The following PCDHGC3 variants were observed in gnomAD, a reference collection of about 807,000 sequenced individuals.
PCDHGC3 encodes the protein protocadherin gamma subfamily C, 3.
A neutral mutation model predicts 59.2 loss-of-function variants in PCDHGC3; 26 were observed. The ratio of observed to expected loss-of-function variants is 0.44; its 90% CI spans 0.32 to 0.61. The LOEUF is 0.61. PCDHGC3 is among the 20% of genes least tolerant of loss of function. The pLI is 0.05. For missense variants in PCDHGC3, 1,080 were observed against 1,221.8 expected, an observed-to-expected ratio of 0.88 and a Z score of 1.73; for synonymous variants, 487 against 519.7, an observed-to-expected ratio of 0.94 and a Z score of 0.86.
intron 2 of PCDHGC3, 70 bp downstream of exon 2, chr5:141,494,935 G>T (rs1456805368): frequency 2.5e-6 from 4 of 1,612,364 alleles, no homozygotes; most frequent in African/African-American, 1.3e-5. Context: ...GGGAGGAGAT[G>T]GGGGAGGGCC....
intron 1 of PCDHGC3, among the ~76,000 whole-genome samples, chr5:141,492,336 A>G (rs1353947767): frequency 1.3e-5 from 2 of 152,072 alleles, no homozygotes; most frequent in East Asian, 3.9e-4. Context: ...TTACGCGAAT[A>G]CCAGCTTTCA....
In PCDHGC3 at chr5:141,511,269, C is replaced by A; in HGVS notation, c.*96C>A. The A allele has an allele frequency of 1.3e-6, 2 of 1,546,672 alleles. No homozygotes were observed. Among genetic ancestry groups the A allele is most frequent in the Non-Finnish European group, 1.7e-6 (2 of 1,145,264 alleles). The stretch of plus-strand genomic sequence containing the variant: ...AGGCCTCAGAGTTTCAGGGCTAACC[C>A]CCAGAATACTGGTAGGGGCCAAGGC... On this transcript the variant is annotated 3_prime_UTR_variant, in exon 4 of 4. Transcript: ENST00000308177.
intron 3 of PCDHGC3, among the ~76,000 whole-genome samples, chr5:141,505,861 C>A (rs115699706): frequency 0.034 from 5,102 of 152,242 alleles, 131 homozygotes; most frequent in Admixed American, 0.057. Flanking sequence ...GGGACAGGGA[C>A]CCCAAAGGGT....
rs1330257915 is a variant in PCDHGC3 at position 141,486,153 on chromosome 5, C to T, written c.2430+7607C>T. Reference sequence around the variant, plus strand: ...GATGTGCGGGCTCGCGATGGGGGTTCTCCAGCCATGGAGCAACATTGCAGC... The same window carrying T: ...GATGTGCGGGCTCGCGATGGGGGTTTTCCAGCCATGGAGCAACATTGCAGC... On this transcript the variant is annotated intron_variant, in intron 1 of 3. Transcript: ENST00000308177. This position sits in a 1 kb window ranked among gnomAD's most constrained non-coding sequence, Gnocchi z 5.0. 1 of 1,614,084 alleles carries T rather than the reference C, an allele frequency of 6.2e-7. No homozygotes were observed. Among genetic ancestry groups the T allele is most frequent in the Non-Finnish European group, 8.5e-7 (1 of 1,180,036 alleles).
In PCDHGC3 at chr5:141,511,307, G is replaced by A. The variant is rs919320754; in HGVS notation, c.*134G>A. On this transcript the variant is annotated 3_prime_UTR_variant, in exon 4 of 4. Coordinates refer to ENST00000308177, the MANE Select transcript of PCDHGC3 (RefSeq NM_002588.4). ...TAGGGGCCAAGGCCATGCTCCCCTT[G>A]GGAAACAGAAACAAGTGCCCAGTCA... 8 of 1,488,416 alleles carry A rather than the reference G, an allele frequency of 5.4e-6. No individual in the cohort carries two copies. Among genetic ancestry groups the A allele is most frequent in the Non-Finnish European group, 5.4e-6 (6 of 1,115,202 alleles). The allele number at this position is 1,488,416 out of a possible 1,614,324, so 92.2% of individuals were successfully genotyped here. A position where few individuals can be genotyped will look rare whatever the true frequency, so the allele number is the denominator to read the frequency against.
At position 141,477,530 on chromosome 5, in the gene PCDHGC3, C is replaced by A; in HGVS notation, c.1414C>A (p.Pro472Thr). The A allele has an allele frequency of 6.2e-7, 1 of 1,614,186 alleles. No homozygotes were observed. The highest frequency in any genetic ancestry group is 1.1e-5 in the South Asian group (1 of 91,082). ...YDVYIEENNL[P>T]GAPILNLSVW... is the part of the protein sequence containing the mutation. ...CGTTTACATTGAAGAAAACAACCTCCCCGGGGCTCCAATACTAAACCTAAG... is the reference window on the plus strand; with the variant it reads ...CGTTTACATTGAAGAAAACAACCTCACCGGGGCTCCAATACTAAACCTAAG... Residue 472 changes from proline (P) to threonine (T), a missense_variant, in exon 1 of 4, where the codon CCC becomes ACC. By Grantham distance (38) the Pro-to-Thr change is conservative (BLOSUM62 -1). Coordinates refer to ENST00000308177, the MANE Select transcript of PCDHGC3 (RefSeq NM_002588.4). The surrounding 1 kb of genome is among the most constrained non-coding windows in gnomAD (Gnocchi z 4.9).
rs190955361 is a variant in PCDHGC3, at chr5:141,486,090, G to A, written c.2430+7544G>A. On this transcript the variant is annotated intron_variant, in intron 1 of 3. Transcript: ENST00000308177. The surrounding 1 kb of genome is among the most constrained non-coding windows in gnomAD (Gnocchi z 5.0). ...ACTACTGGAAAGCTTACTCTTTTGG[G>A]GCCCCTAGACTTTGAGAGTGAGAAT... 3 of 1,614,086 alleles carry A rather than the reference G, an allele frequency of 1.9e-6. No homozygotes were observed. The highest frequency in any genetic ancestry group is 1.6e-4 in the Middle Eastern group (1 of 6,062).
chr5:141,499,921 C>A, intron 2 of PCDHGC3, among the ~76,000 whole-genome samples: 1 of 152,128 alleles, frequency 6.6e-6, no homozygotes, highest in Middle Eastern at 3.2e-3. Context: ...CTCCTGGCCT[C>A]AAGTGATCCA....
At chr5:141,494,654 G>A in intron 1 of PCDHGC3, 153 bp from the exon 2 acceptor site, 1 of 966,640 alleles carries the variant, frequency 1.0e-6, no homozygotes, top group South Asian at 4.8e-5. Context: ...GGTGTATTTT[G>A]TCTTTGGAGA....
rs1389786201 is a variant in PCDHGC3, at chr5:141,486,949, G to A, written c.2431-7858G>A. 4 of 1,614,224 alleles carry A rather than the reference G, an allele frequency of 2.5e-6. No individual in the cohort carries two copies. Among genetic ancestry groups the A allele is most frequent in the African/African-American group, 2.7e-5 (2 of 75,064 alleles). ...TTGGTGCTGGCCACCTAATCACAAA[G>A]GTGACTGCTGTGGACTTGGATTCAG... On this transcript the variant is annotated intron_variant, in intron 1 of 3. Coordinates refer to ENST00000308177, the MANE Select transcript of PCDHGC3 (RefSeq NM_002588.4). The surrounding 1 kb of genome is among the most constrained non-coding windows in gnomAD (Gnocchi z 5.0).
chr5:141,485,586 TG>T lies in PCDHGC3; in HGVS notation c.2430+7042del. The T allele has an allele frequency of 6.2e-7, 1 of 1,612,402 alleles. No homozygotes were observed. Among genetic ancestry groups the T allele is most frequent in the Non-Finnish European group, 8.5e-7 (1 of 1,178,600 alleles). Reference sequence around the variant, plus strand: ...GCCCCCCGTTTTCCGCGGCAGCAGCTGGACTTGGAAATTGGGGAGGCAGCTC... The same window carrying T: ...GCCCCCCGTTTTCCGCGGCAGCAGCTGACTTGGAAATTGGGGAGGCAGCTC... On this transcript the variant is annotated intron_variant, in intron 1 of 3. Coordinates refer to ENST00000308177, the MANE Select transcript of PCDHGC3 (RefSeq NM_002588.4). The surrounding 1 kb of genome is among the most constrained non-coding windows in gnomAD (Gnocchi z 5.7).
chr5:141,489,776 C>T lies in PCDHGC3; in HGVS notation c.2431-5031C>T. The T allele has an allele frequency of 6.2e-7, 1 of 1,614,202 alleles. No homozygotes were observed. Among genetic ancestry groups the T allele is most frequent in the Non-Finnish European group, 8.5e-7 (1 of 1,180,020 alleles). On this transcript the variant is annotated intron_variant, in intron 1 of 3. Transcript: ENST00000308177. This position sits in a 1 kb window ranked among gnomAD's most constrained non-coding sequence, Gnocchi z 4.5. ...ACTCTAAGCCCCAACAGCCACTTCT[C>T]TCTGAATGTGAAGACCCTAAAAGAT...
chr5:141,484,532 G>A (rs1421387882), intron 1 of PCDHGC3, among the ~76,000 whole-genome samples: 1 of 152,182 alleles, frequency 6.6e-6, no homozygotes, highest in Non-Finnish European at 1.5e-5. Context: ...TTGAGTATAT[G>A]GCAGTGGTTC....
chr5:141,476,236 AAG>A lies in PCDHGC3; in HGVS notation c.126_127del (p.Lys43GlyfsTer17). ...TCATTCACTATGAGATCCCGGAGGA[AAG>A]AGAGAAGGGTTTCGCTGTGGGCAAC... is the stretch of plus-strand genomic sequence containing the variant. The part of the protein sequence containing the change: ...TVIHYEIPEE[R>X]EKGFAVGNVV... On this transcript the variant is annotated frameshift_variant, in exon 1 of 4. Transcript: ENST00000308177. LOFTEE classifies it high-confidence loss of function. The surrounding 1 kb of genome is among the most constrained non-coding windows in gnomAD (Gnocchi z 7.6). 2.5e-6 allele frequency: 4 copies of A among 1,613,980 alleles called. No individual in the cohort carries two copies. Among genetic ancestry groups the A allele is most frequent in the Non-Finnish European group, 3.4e-6 (4 of 1,180,004 alleles).
Position 141,486,070 on chromosome 5 carries a change from T to C in PCDHGC3, c.2430+7524T>C. ...ACCTCTTTAGCCTGCACCCCACTAC[T>C]GGAAAGCTTACTCTTTTGGGGCCCC... On this transcript the variant is annotated intron_variant, in intron 1 of 3. Coordinates refer to ENST00000308177, the MANE Select transcript of PCDHGC3 (RefSeq NM_002588.4). The surrounding 1 kb of genome is among the most constrained non-coding windows in gnomAD (Gnocchi z 5.0). 6.2e-7 allele frequency: 1 copy of C among 1,614,158 alleles called. No homozygotes were observed. The highest frequency in any genetic ancestry group is 8.5e-7 in the Non-Finnish European group (1 of 1,180,010).
chr5:141,494,962 T>G (rs1644946600), intron 2 of PCDHGC3, 97 bp downstream of exon 2: 4 of 1,596,756 alleles, frequency 2.5e-6, no homozygotes, highest in Non-Finnish European at 3.4e-6. Context: ...TTGCTACAGA[T>G]GGCTTCTCCC....
In PCDHGC3 at chr5:141,489,561, G is replaced by A. The variant is rs1750812409; in HGVS notation, c.2431-5246G>A. 6.2e-7 allele frequency: 1 copy of A among 1,614,106 alleles called. No homozygotes were observed. Among genetic ancestry groups the A allele is most frequent in the Non-Finnish European group, 8.5e-7 (1 of 1,180,026 alleles). On this transcript the variant is annotated intron_variant, in intron 1 of 3. Coordinates refer to ENST00000308177, the MANE Select transcript of PCDHGC3 (RefSeq NM_002588.4). The surrounding 1 kb of genome is among the most constrained non-coding windows in gnomAD (Gnocchi z 4.5). Reference sequence around the variant, plus strand: ...GCACCAGCTGCCTGCTGCCAGTGCAGGTGGTGACTGAACACCCCCTGGAGC... The same window carrying A: ...GCACCAGCTGCCTGCTGCCAGTGCAAGTGGTGACTGAACACCCCCTGGAGC...
Position 141,485,967 on chromosome 5 carries a change from A to G in PCDHGC3, c.2430+7421A>G, listed in dbSNP as rs751904053. 2.5e-6 allele frequency: 4 copies of G among 1,614,194 alleles called. No individual in the cohort carries two copies. The South Asian group carries it at 4.4e-5, about 18-fold the overall frequency. On this transcript the variant is annotated intron_variant, in intron 1 of 3. Transcript: ENST00000308177. This position sits in a 1 kb window ranked among gnomAD's most constrained non-coding sequence, Gnocchi z 5.7. The stretch of plus-strand genomic sequence containing the variant: ...GCGGGCATGGTGCTCATCCAGCTCA[A>G]TGCCTCAGACCCGGACCTGGGTCCC...
chr5:141,491,291 C>A lies in PCDHGC3; in HGVS notation c.2431-3516C>A. The A allele has an allele frequency of 8.1e-6, 13 of 1,614,152 alleles. No individual in the cohort carries two copies. Among genetic ancestry groups the A allele is most frequent in the Non-Finnish European group, 1.1e-5 (13 of 1,179,974 alleles). On this transcript the variant is annotated intron_variant, in intron 1 of 3. Transcript: ENST00000308177. This position sits in a 1 kb window ranked among gnomAD's most constrained non-coding sequence, Gnocchi z 6.9. The stretch of plus-strand genomic sequence containing the variant: ...AAATCCAGTGACTTCCTCATACACC[C>A]TCCTGAGCGTTCAGACCTTACCCTT...
Sources: allele counts gnomAD v4.1 joint callset (sites outside exome capture counted in the v4.1 genomes callset), GRCh38; gene constraint gnomAD v4.1.1; non-coding constraint Gnocchi (gnomAD v3.1); transcripts MANE v1.5; gene names NCBI Gene and HGNC (gene_info 2026-07-23, HGNC 2026-07-21).